The following SPSB4 variants were observed in gnomAD, a reference collection of about 807,000 sequenced individuals.
SPSB4 encodes SPRY domain-containing SOCS box protein 4.
SPSB4 carries 21 observed loss-of-function variants against 20.9 expected under a neutral mutation model. The ratio of observed to expected loss-of-function variants is 1.01; its 90% CI spans 0.71 to 1.45. The LOEUF (loss-of-function observed/expected upper bound fraction) is 1.45, where lower values mean the gene tolerates loss of function less well. SPSB4 is among the 40% of genes most tolerant of loss of function. The pLI is 0.00. For synonymous variants in SPSB4, 207 were observed against 183.8 expected (o/e 1.13, Z -1.02); for missense variants, 399 against 399.2 (o/e 1.00, Z 0.00).
intron 2 of SPSB4, among the ~76,000 whole-genome samples, chr3:141,139,589 T>G (rs1444307738): frequency 6.6e-6 from 1 of 152,226 alleles, no homozygotes; most frequent in African/African-American, 2.4e-5. Context: ...TCTCCTTCAC[T>G]TATGAAGCTT....
At position 141,053,900 on chromosome 3, in the gene SPSB4, C is replaced by T. The variant is rs373993667; in HGVS notation, c.-154+1908C>T. On this transcript the variant is annotated intron_variant, in intron 1 of 2. Coordinates refer to ENST00000310546, the MANE Select transcript of SPSB4 (RefSeq NM_080862.3). Reference sequence around the variant, plus strand: ...CCTCAGGTCTGGTACTGCCCTTCTCCACCTCTTCCTCACCATTTTCCTCTC... The same window carrying T: ...CCTCAGGTCTGGTACTGCCCTTCTCTACCTCTTCCTCACCATTTTCCTCTC... 7.2e-5 allele frequency among the ~76,000 whole-genome samples: 11 copies of T among 152,230 alleles called. No homozygotes were observed. In the South Asian group the frequency reaches 1.0e-3, roughly 14 times the overall value.
intron 2 of SPSB4, among the ~76,000 whole-genome samples, chr3:141,068,893 G>C (rs1011688943): frequency 6.6e-6 from 1 of 152,216 alleles, no homozygotes; most frequent in African/African-American, 2.4e-5. Context: ...CTACCTCATG[G>C]AGATTGGGTG....
rs771887243 is a variant in SPSB4 at position 141,066,672 on chromosome 3, T to C, written c.568T>C (p.Phe190Leu). Residue 190 changes from phenylalanine (F) to leucine (L), a missense_variant, in exon 2 of 3, where the codon TTC becomes CTC. By Grantham distance (22) the Phe-to-Leu change is conservative (BLOSUM62 0). Transcript: ENST00000310546. ...GGACATGGATGAGGGCACACTCAGC[T>C]TCATCGTGGATGGCCAGTACCTGGG... The part of the protein sequence containing the change: ...VLDMDEGTLS[F>L]IVDGQYLGVA... 4 of 1,613,264 alleles carry C rather than the reference T, an allele frequency of 2.5e-6. No homozygotes were observed. Among genetic ancestry groups the C allele is most frequent in the Admixed American group, 1.7e-5 (1 of 59,974 alleles).
chr3:141,146,234 T>C (rs1939410223), intron 2 of SPSB4, among the ~76,000 whole-genome samples: 2 of 152,172 alleles, frequency 1.3e-5, no homozygotes, highest in African/African-American at 4.8e-5. Context: ...ACTGGTCCTA[T>C]GTCCAGTGGT....
rs544178856 is a variant in SPSB4 at position 141,069,004 on chromosome 3, T to G, written c.694+2206T>G. 3.9e-5 allele frequency among the ~76,000 whole-genome samples: 6 copies of G among 152,340 alleles called. No homozygotes were observed. The South Asian group carries it at 1.2e-3, about 32-fold the overall frequency. ...AATGTGAAGTGTTCTAACCTCCTCC[T>G]TACTGGCAGTGATTTTTCAGGTTGG... On this transcript the variant is annotated intron_variant, in intron 2 of 2. Transcript: ENST00000310546.
chr3:141,146,991 A>C (rs1939424525), intron 2 of SPSB4, 151 bp from the exon 3 acceptor site: 1 of 1,040,942 alleles, frequency 9.6e-7, no homozygotes, highest in Non-Finnish European at 1.4e-6. Flanking sequence ...CCTTCAGCTT[A>C]TGTAACCAGA....
In SPSB4 at chr3:141,083,793, T is replaced by C. The variant is rs139176593; in HGVS notation, c.694+16995T>C. Among the ~76,000 whole-genome samples the C allele has an allele frequency of 1.9e-4, 29 of 152,256 alleles. No homozygotes were observed. In the East Asian group the frequency reaches 5.6e-3, roughly 29 times the overall value. On this transcript the variant is annotated intron_variant, in intron 2 of 2. Transcript: ENST00000310546. ...CACATTTGCGGTGGTGAAGGGGGTC[T>C]GTGGGGTCTTTATAAGGCATGGCCC...
At chr3:141,128,484 C>G (rs1464254201) in intron 2 of SPSB4, among the ~76,000 whole-genome samples, 1 of 152,048 alleles carries the variant, frequency 6.6e-6, no homozygotes, top group Non-Finnish European at 1.5e-5. Context: ...TTCTCACAAA[C>G]AGAAGGTGGG....
chr3:141,135,483 AT>A (rs199655374), intron 2 of SPSB4, among the ~76,000 whole-genome samples: 1,983 of 151,184 alleles, frequency 0.013, 48 homozygotes, highest in African/African-American at 0.046. Context: ...TCTCCTAATG[AT>A]ATCCCCCCTC....
intron 2 of SPSB4, among the ~76,000 whole-genome samples, chr3:141,104,766 A>T (rs1938663317): frequency 6.6e-6 from 1 of 152,246 alleles, no homozygotes. Flanking sequence ...AACCAGCCAA[A>T]TATTTTCCTT....
rs761992404 is a variant in SPSB4 at position 141,066,687 on chromosome 3, C to G, written c.583C>G (p.Gln195Glu). The change falls in exon 2 of 3, where the codon CAG (glutamine) becomes GAG (glutamate). Residue 195 changes from glutamine (Q) to glutamate (E), a missense_variant. By Grantham distance (29) the Gln-to-Glu change is conservative. Transcript: ENST00000310546. ...CACACTCAGCTTCATCGTGGATGGC[C>G]AGTACCTGGGCGTGGCCTTCCGAGG... ...EGTLSFIVDG[Q>E]YLGVAFRGLK... is the part of the protein sequence containing the mutation. 1 of 1,613,302 alleles carries G rather than the reference C, an allele frequency of 6.2e-7. No homozygotes were observed. The highest frequency in any genetic ancestry group is 1.1e-5 in the South Asian group (1 of 90,982).
Position 141,066,875 on chromosome 3 carries a change from A to C in SPSB4, c.694+77A>C, listed in dbSNP as rs1368069064. ...GGGAAGCTGGGCAGGCCACACCTCC[A>C]TCGCCACTTGGGAGGATCCTGCAAT... is the stretch of plus-strand genomic sequence containing the variant. On this transcript the variant is annotated intron_variant, in intron 2 of 2. Coordinates refer to ENST00000310546, the MANE Select transcript of SPSB4 (RefSeq NM_080862.3). 6 of 1,384,244 alleles carry C rather than the reference A, an allele frequency of 4.3e-6. No individual in the cohort carries two copies. In the Admixed American group the frequency reaches 1.0e-4, roughly 24 times the overall value. 85.7% of individuals were successfully genotyped at this position (1,384,244 alleles called of 1,614,324 possible).
chr3:141,105,647 A>G (rs1938675823), intron 2 of SPSB4, among the ~76,000 whole-genome samples: 1 of 152,230 alleles, frequency 6.6e-6, no homozygotes, highest in African/African-American at 2.4e-5. Context: ...GGCAGAGTTG[A>G]ATTTCAAAGC....
At chr3:141,123,617 C>A (rs969444135) in intron 2 of SPSB4, among the ~76,000 whole-genome samples, 2 of 152,244 alleles carry the variant, frequency 1.3e-5, no homozygotes, top group African/African-American at 4.8e-5. Flanking sequence ...TTCCTGAGGA[C>A]TTCACCCTGC....
rs1939431014 is a variant in SPSB4 at position 141,147,369 on chromosome 3, T to C, written c.*100T>C. 1.9e-6 allele frequency: 3 copies of C among 1,546,540 alleles called. No individual in the cohort carries two copies. The South Asian group carries it at 3.6e-5, about 18-fold the overall frequency. ...GCACATAGGGGAAAGGATCTACCCT[T>C]CTCCTGGCTCCCCAGGACACTCAGT... is the stretch of plus-strand genomic sequence containing the variant. On this transcript the variant is annotated 3_prime_UTR_variant, in exon 3 of 3. Coordinates refer to ENST00000310546, the MANE Select transcript of SPSB4 (RefSeq NM_080862.3).
intron 2 of SPSB4, among the ~76,000 whole-genome samples, chr3:141,105,821 G>A (rs1044594783): frequency 2.6e-5 from 4 of 152,144 alleles, no homozygotes; most frequent in African/African-American, 9.7e-5. Context: ...TGCTTACTAC[G>A]TTTTTTAAAA....
intron 2 of SPSB4, among the ~76,000 whole-genome samples, chr3:141,105,148 G>T (rs1356231626): frequency 6.6e-6 from 1 of 152,200 alleles, no homozygotes; most frequent in Non-Finnish European, 1.5e-5. Flanking sequence ...GGCCAGAAAG[G>T]CTCACAGAAA....
chr3:141,103,093 T>G (rs946789939), intron 2 of SPSB4, among the ~76,000 whole-genome samples: 1 of 152,222 alleles, frequency 6.6e-6, no homozygotes, highest in African/African-American at 2.4e-5. Context: ...TCCCAATACC[T>G]GATTGTTAAC....
chr3:141,057,765 G>A (rs1424782115), intron 1 of SPSB4, among the ~76,000 whole-genome samples: 1 of 152,210 alleles, frequency 6.6e-6, no homozygotes, highest in African/African-American at 2.4e-5. Flanking sequence ...CGAGGATTTT[G>A]AGCAGGAGCG....
Sources: gnomAD v4.1 joint callset for allele counts (sites outside exome capture counted in the v4.1 genomes callset) on GRCh38, gnomAD v4.1.1 for gene constraint, MANE v1.5 for transcripts, NCBI Gene and HGNC (gene_info 2026-07-23, HGNC 2026-07-21) for gene names.